CRB1: variants seen among roughly 807,000 people sequenced by gnomAD.
CRB1 encodes crumbs cell polarity complex component 1.
Under a neutral mutation model 120.0 loss-of-function variants are expected in CRB1, and 83 were observed. The ratio of observed to expected loss-of-function variants is 0.69; its 90% confidence interval spans 0.58 to 0.83. The LOEUF is 0.83. CRB1 is among the 40% of genes least tolerant of loss of function. The pLI is 0.00. For missense variants in CRB1, 1,699 were observed against 1,687.6 expected, an observed-to-expected ratio of 1.01 and a Z score of -0.12; for synonymous variants, 625 against 612.5, an observed-to-expected ratio of 1.02 and a Z score of -0.30.
chr1:197,384,413 G>A (rs1662111256), intron 5 of CRB1, among the ~76,000 whole-genome samples: 1 of 152,144 alleles, frequency 6.6e-6, no homozygotes, highest in African/African-American at 2.4e-5. Context: ...TTCCAACCTG[G>A]CATCAATAGC....
At chr1:197,442,337 T>A (rs768668613) in intron 11 of CRB1, 45 bp downstream of exon 11, 30 of 1,613,720 alleles carry the variant, frequency 1.9e-5, no homozygotes, top group Non-Finnish European at 2.5e-5. Flanking sequence ...TCTGGCAGAA[T>A]CTTTTTCAGC....
chr1:197,228,741 G>A, the CRB1 span, among the ~76,000 whole-genome samples: 1 of 152,114 alleles, frequency 6.6e-6, no homozygotes, highest in African/African-American at 2.4e-5. Context: ...CCAATATACT[G>A]TATTAGTTCG....
At chr1:197,459,340 TTACTC>T (rs1229226329) in intron 11 of CRB1, among the ~76,000 whole-genome samples, 14 of 152,132 alleles carry the variant, frequency 9.2e-5, no homozygotes, top group African/African-American at 3.4e-4. Flanking sequence ...AGGACCTACT[TTACTC>T]TGTTTGGACT....
intron 11 of CRB1, among the ~76,000 whole-genome samples, chr1:197,460,050 T>A (rs1666458427): frequency 7.7e-6 from 1 of 129,624 alleles, no homozygotes; most frequent in Non-Finnish European, 1.6e-5. Context: ...TCTAAAGTTC[T>A]TAATTGAGGA....
chr1:197,339,411 T>C (rs1659332303), intron 2 of CRB1, among the ~76,000 whole-genome samples: 1 of 152,160 alleles, frequency 6.6e-6, no homozygotes, highest in Admixed American at 6.6e-5. Context: ...TTGATATACA[T>C]AAAAAGCCCC....
At chr1:197,453,843 A>G (rs996817526) in intron 11 of CRB1, among the ~76,000 whole-genome samples, 2 of 142,020 alleles carry the variant, frequency 1.4e-5, no homozygotes, top group Non-Finnish European at 3.0e-5. Flanking sequence ...TATATTATCA[A>G]TATTATTATT....
At chr1:197,325,587 A>G (rs533625035) in intron 1 of CRB1, among the ~76,000 whole-genome samples, 1 of 151,924 alleles carries the variant, frequency 6.6e-6, no homozygotes, top group Non-Finnish European at 1.5e-5. Context: ...AAATTACTCA[A>G]TTTTTTTTCA....
chr1:197,424,482 C>T (rs191551286), intron 6 of CRB1, among the ~76,000 whole-genome samples: 11 of 152,158 alleles, frequency 7.2e-5, no homozygotes, highest in Admixed American at 2.0e-4. Flanking sequence ...CATAGTTTTC[C>T]GACACTTCAT....
At chr1:197,244,014 T>A in the CRB1 span, among the ~76,000 whole-genome samples, 6 of 152,170 alleles carry the variant, frequency 3.9e-5, no homozygotes, top group African/African-American at 1.4e-4. Flanking sequence ...TTATTTTGCT[T>A]TCCATTTGCT....
intron 1 of CRB1, among the ~76,000 whole-genome samples, chr1:197,327,809 G>A (rs1658605464): frequency 6.6e-6 from 1 of 152,182 alleles, no homozygotes; most frequent in African/African-American, 2.4e-5. Context: ...GGCTCCAAGG[G>A]ACCTTCCCTG....
At chr1:197,287,926 C>T (rs575510211) in intron 1 of CRB1, among the ~76,000 whole-genome samples, 2 of 151,932 alleles carry the variant, frequency 1.3e-5, no homozygotes, top group East Asian at 2.0e-4. Context: ...GTTTCCGAGA[C>T]ATCAGCTATC....
chr1:197,354,696 G>A (rs1028515780), intron 4 of CRB1, among the ~76,000 whole-genome samples: 27 of 151,798 alleles, frequency 1.8e-4, no homozygotes, highest in Non-Finnish European at 8.8e-5. Context: ...CCAAACAGTG[G>A]GCAACAGCAA....
At position 197,442,232 on chromosome 1, in the gene CRB1, A is replaced by G. The variant is rs1356800918; in HGVS notation, c.3945A>G (p.Leu1315=). 1 of 1,614,164 alleles carries G rather than the reference A, an allele frequency of 6.2e-7. No individual in the cohort carries two copies. Among genetic ancestry groups the G allele is most frequent in the African/African-American group, 1.3e-5 (1 of 75,040 alleles). ...PCVNGGLCQD[L]LNKFQCLCDV... Reference sequence around the variant, plus strand: ...TCAATGGAGGTCTGTGCCAGGACTTACTCAACAAATTCCAGTGCCTCTGTG... The same window carrying G: ...TCAATGGAGGTCTGTGCCAGGACTTGCTCAACAAATTCCAGTGCCTCTGTG... The change falls in exon 11 of 12, where the codon TTA becomes TTG. Residue 1315 remains leucine (L), a synonymous_variant. Coordinates refer to ENST00000367400, the MANE Select transcript of CRB1 (RefSeq NM_201253.3).
intron 11 of CRB1, chr1:197,447,432 T>C (rs1202378054): frequency 6.6e-6 from 1 of 152,234 alleles, no homozygotes; most frequent in Non-Finnish European, 1.5e-5. Flanking sequence ...TCCTCACCTT[T>C]GTCATAGTCT....
chr1:197,239,786 A>G, the CRB1 span, among the ~76,000 whole-genome samples: 1 of 150,144 alleles, frequency 6.7e-6, no homozygotes, highest in Admixed American at 6.6e-5. Context: ...TAGTTTTGAT[A>G]TATCCATTTT....
chr1:197,365,111 G>C (rs1004432130), intron 5 of CRB1, among the ~76,000 whole-genome samples: 5 of 152,186 alleles, frequency 3.3e-5, no homozygotes, highest in African/African-American at 1.2e-4. Flanking sequence ...ATTCTTTGCT[G>C]TGTTGTTTTG....
At chr1:197,245,443 A>G in the CRB1 span, among the ~76,000 whole-genome samples, 1 of 152,032 alleles carries the variant, frequency 6.6e-6, no homozygotes, top group African/African-American at 2.4e-5. Context: ...GTGGCAGTAT[A>G]CTATGCTTGT....
the CRB1 span, among the ~76,000 whole-genome samples, chr1:197,210,806 T>A: frequency 6.6e-6 from 1 of 152,100 alleles, no homozygotes; most frequent in Non-Finnish European, 1.5e-5. Flanking sequence ...GAGAGTATAG[T>A]CTGCAGAAGG....
chr1:197,381,129 A>G (rs1661932662), intron 5 of CRB1, among the ~76,000 whole-genome samples: 1 of 152,110 alleles, frequency 6.6e-6, no homozygotes. Context: ...ATACCACTCT[A>G]GGGCCTTCAA....
Sources: allele counts gnomAD v4.1 joint callset (sites outside exome capture counted in the v4.1 genomes callset), GRCh38; gene constraint gnomAD v4.1.1; transcripts MANE v1.5; gene names NCBI Gene and HGNC (gene_info 2026-07-23, HGNC 2026-07-21).